Variants in PDE6A observed in about 807,000 individuals in gnomAD.
PDE6A encodes phosphodiesterase 6A, also known as rod cGMP-specific 3',5'-cyclic phosphodiesterase subunit alpha.
A neutral mutation model predicts 106.3 loss-of-function variants in PDE6A; 84 were observed. The observed-to-expected ratio is 0.79, with a 90% CI of 0.66 to 0.95. The LOEUF is 0.95. Among genes scored for constraint, PDE6A ranks in the 40% least tolerant of loss-of-function variants. PDE6A has a pLI of 0.00. For synonymous variants in PDE6A, 394 were observed against 386.6 expected, an observed-to-expected ratio of 1.02 and a Z score of -0.23; for missense variants, 1,052 against 1,084.9, an observed-to-expected ratio of 0.97 and a Z score of 0.43.
At chr5:149,880,729 G>A (rs76734221) in intron 17 of PDE6A, among the ~76,000 whole-genome samples, 12,324 of 151,740 alleles carry the variant, frequency 0.081, 658 homozygotes, top group South Asian at 0.22. Context: ...ACAAGCAAAA[G>A]TCAATAAATA....
intron 17 of PDE6A, 66 bp from the exon 18 acceptor site, chr5:149,868,224 A>G (rs1760404766): frequency 2.0e-6 from 3 of 1,484,140 alleles, no homozygotes; most frequent in Non-Finnish European, 2.8e-6. Context: ...GGTTAATTCC[A>G]TCTCTCTCAC....
intron 1 of PDE6A, among the ~76,000 whole-genome samples, chr5:149,939,461 C>A (rs182172044): frequency 8.5e-5 from 13 of 152,296 alleles, no homozygotes; most frequent in African/African-American, 2.6e-4. Context: ...AGACTGGATT[C>A]TTCTCCAAAT....
rs145107955 is a variant in PDE6A, at chr5:149,899,424, T to C, written c.1214A>G (p.Asn405Ser). Residue 405 changes from asparagine to serine, a missense_variant, in exon 9 of 22, where the codon AAT (asparagine) becomes AGT (serine). By Grantham distance (46) the Asn-to-Ser change is conservative. Around this residue, in one of 3 missense-constraint regions of PDE6A, gnomAD observed 913 missense variants for 915.2 expected, o/e 1.00. Coordinates refer to ENST00000255266, the MANE Select transcript of PDE6A (RefSeq NM_000440.3). ...ATCAAAGGGCTTCCCATCTTTACGA[T>C]TGTAAAATGTGGCCACTCCAACAAT... ...EEIVGVATFY[N>S]RKDGKPFDEM... is the part of the protein sequence containing the mutation. 219 of 1,614,176 alleles carry C rather than the reference T, an allele frequency of 1.4e-4. 1 individual carries two copies. The highest frequency in any genetic ancestry group is 1.2e-3 in the African/African-American group (87 of 75,034).
intron 8 of PDE6A, among the ~76,000 whole-genome samples, chr5:149,900,310 T>A (rs779436002): frequency 1.4e-5 from 2 of 147,584 alleles, no homozygotes; most frequent in African/African-American, 2.5e-5. Context: ...TGCAGTGAGC[T>A]GAGATCGTGC....
intron 19 of PDE6A, chr5:149,867,414 G>T (rs1011210941): frequency 1.7e-5 from 8 of 479,624 alleles, no homozygotes; most frequent in Non-Finnish European, 2.7e-5. Flanking sequence ...CAACCTCTAG[G>T]GTTGAGTGAG....
chr5:149,934,206 A>G (rs1028551512), intron 2 of PDE6A, among the ~76,000 whole-genome samples, 187 bp from the exon 3 acceptor site: 1 of 152,270 alleles, frequency 6.6e-6, no homozygotes, highest in African/African-American at 2.4e-5. Flanking sequence ...TAGAATGTTG[A>G]TGTTGATGGG....
At chr5:149,934,103 A>G in intron 2 of PDE6A, 84 bp from the exon 3 acceptor site, 1 of 789,158 alleles carries the variant, frequency 1.3e-6, no homozygotes, top group Non-Finnish European at 2.2e-6. Flanking sequence ...AAATATCTGA[A>G]TATTTTCAAA....
At position 149,884,578 on chromosome 5, in the gene PDE6A, C is replaced by A. The variant is rs578228152; in HGVS notation, c.1928G>T (p.Ser643Ile). The change falls in exon 16 of 22, where the codon AGC becomes ATC. Residue 643 changes from serine to isoleucine, a missense_variant and splice_region_variant. Coordinates refer to ENST00000255266, the MANE Select transcript of PDE6A (RefSeq NM_000440.3). ...EFGKTLLRDESLNIFQNLNRR... is the reference protein window; with the variant it reads ...EFGKTLLRDEILNIFQNLNRR... ...ATTGAGGTTTTGAAAGATATTCAGG[C>A]TCTAAAGAAAAAAAGAGAAGCGAGA... 17 of 1,612,496 alleles carry A rather than the reference C, an allele frequency of 1.1e-5. No homozygotes were observed. In the East Asian group the frequency reaches 3.6e-4, roughly 34 times the overall value.
chr5:149,935,202 A>C (rs1249818867), intron 1 of PDE6A, among the ~76,000 whole-genome samples: 1 of 152,120 alleles, frequency 6.6e-6, no homozygotes, highest in Admixed American at 6.6e-5. Context: ...ATCTTACAGA[A>C]GGGGGATCTG....
intron 13 of PDE6A, 93 bp from the exon 14 acceptor site, chr5:149,886,467 A>G (rs1350516699): frequency 6.8e-6 from 6 of 883,700 alleles, no homozygotes; most frequent in Admixed American, 5.9e-5. Context: ...GCCCAGAACT[A>G]AAAAACTCAT....
chr5:149,908,252 C>T (rs1753265686), intron 6 of PDE6A, among the ~76,000 whole-genome samples: 1 of 152,214 alleles, frequency 6.6e-6, no homozygotes, highest in Non-Finnish European at 1.5e-5. Flanking sequence ...TCCCCCATCC[C>T]TTCACTTAGG....
At position 149,914,014 on chromosome 5, in the gene PDE6A, G is replaced by T. The variant is rs112959022; in HGVS notation, c.998+929C>A. On this transcript the variant is annotated intron_variant, in intron 6 of 21. Transcript: ENST00000255266. ...CTGTGGGGGCTGAGTCAGTTCCTTT[G>T]CAGCTTCCTGCTTTTGCTTTGCCTC... 4.1e-4 allele frequency among the ~76,000 whole-genome samples: 63 copies of T among 152,316 alleles called. 1 individual carries two copies. Among genetic ancestry groups the T allele is most frequent in the African/African-American group, 1.5e-3 (61 of 41,552 alleles).
intron 4 of PDE6A, among the ~76,000 whole-genome samples, chr5:149,928,931 T>C (rs551303595): frequency 2.0e-5 from 3 of 152,180 alleles, no homozygotes; most frequent in Non-Finnish European, 4.4e-5. Context: ...GGAATTTATG[T>C]TGATAACAAA....
At chr5:149,882,091 T>A (rs940741474) in intron 17 of PDE6A, among the ~76,000 whole-genome samples, 2 of 142,124 alleles carry the variant, frequency 1.4e-5, no homozygotes, top group African/African-American at 5.0e-5. Flanking sequence ...AATAAATAAA[T>A]AAAATGTCCA....
At chr5:149,886,215 G>T in intron 14 of PDE6A, 50 bp downstream of exon 14, 1 of 1,339,190 alleles carries the variant, frequency 7.5e-7, no homozygotes, top group Non-Finnish European at 1.1e-6. Flanking sequence ...GCCACACAGA[G>T]CTGGATAATG....
chr5:149,866,253 G>A lies in PDE6A; in HGVS notation c.2275C>T (p.Pro759Ser). 1 of 1,611,638 alleles carries A rather than the reference G, an allele frequency of 6.2e-7. No individual in the cohort carries two copies. Among genetic ancestry groups the A allele is most frequent in the Non-Finnish European group, 8.5e-7 (1 of 1,177,672 alleles). Residue 759 changes from proline to serine, a missense_variant and splice_region_variant, in exon 20 of 22, where the codon CCC (proline) becomes TCC (serine). Physicochemically the swap from Pro to Ser is moderately conservative, Grantham distance 74. Around this residue, in one of 3 missense-constraint regions of PDE6A, gnomAD observed 135 missense variants for 153.2 expected, o/e 0.88. Transcript: ENST00000255266. The stretch of plus-strand genomic sequence containing the variant: ...TCTGCTTTGTTTCTGTCCATCATGG[G>A]CTGTCATGGGGGAGAAAGAGTTAAT... The part of the protein sequence containing the change: ...ERTVLQQNPI[P>S]MMDRNKADEL...
At chr5:149,903,595 T>G in intron 8 of PDE6A, 53 bp downstream of exon 8, 1 of 1,383,556 alleles carries the variant, frequency 7.2e-7, no homozygotes, top group Non-Finnish European at 1.0e-6. Context: ...CTAATGCTCT[T>G]TGGGGAGGAA....
At chr5:149,906,107 C>G (rs979061526) in intron 7 of PDE6A, among the ~76,000 whole-genome samples, 1 of 152,002 alleles carries the variant, frequency 6.6e-6, no homozygotes, top group Non-Finnish European at 1.5e-5. Flanking sequence ...ATCCTCCTGC[C>G]TCAGCCTCCC....
chr5:149,866,328 A>T, intron 19 of PDE6A, 75 bp from the exon 20 acceptor site: 1 of 1,044,600 alleles, frequency 9.6e-7, no homozygotes, highest in Non-Finnish European at 1.5e-6. Context: ...CATTCTTACT[A>T]AAATCAAACT....
Sources: gnomAD v4.1 joint callset for allele counts (sites outside exome capture counted in the v4.1 genomes callset) on GRCh38, gnomAD v4.1.1 for gene constraint, gnomAD v4.1.1 regional missense constraint, MANE v1.5 for transcripts, NCBI Gene and HGNC (gene_info 2026-07-23, HGNC 2026-07-21) for gene names.